The following AGMO variants were observed in gnomAD, a reference collection of about 807,000 sequenced individuals.
AGMO encodes the protein alkylglycerol monooxygenase.
AGMO carries 75 observed loss-of-function variants against 60.2 expected under a neutral mutation model. That is an observed-to-expected ratio of 1.25 (90% CI 1.03 to 1.51). The LOEUF is 1.51. Ranked by LOEUF, AGMO falls within the 40% of genes most tolerant of loss-of-function variation. The pLI is 0.00. For missense variants in AGMO, 763 were observed against 525.5 expected (o/e 1.45, Z -4.42); for synonymous variants, 261 against 177.1 (o/e 1.47, Z -3.76).
At chr7:15,282,010 T>A (rs1235533732) in intron 12 of AGMO, among the ~76,000 whole-genome samples, 3 of 152,064 alleles carry the variant, frequency 2.0e-5, no homozygotes, top group Non-Finnish European at 4.4e-5. Context: ...CAGAATTAGC[T>A]TTCAATCTGC....
At chr7:15,333,589 G>A (rs76462854) in intron 12 of AGMO, among the ~76,000 whole-genome samples, 176 of 134,128 alleles carry the variant, frequency 1.3e-3, no homozygotes, top group Middle Eastern at 4.7e-3. Flanking sequence ...CTATAGAGAC[G>A]AACTACTGAA....
intron 3 of AGMO, among the ~76,000 whole-genome samples, chr7:15,476,017 T>C (rs555787783): frequency 6.6e-6 from 1 of 152,074 alleles, no homozygotes; most frequent in African/African-American, 2.4e-5. Context: ...GTAAGTGAGA[T>C]AGATGCTGGG....
At chr7:15,431,753 T>C (rs1781246050) in intron 3 of AGMO, among the ~76,000 whole-genome samples, 1 of 151,862 alleles carries the variant, frequency 6.6e-6, no homozygotes, top group Admixed American at 6.6e-5. Context: ...TTTTTCCACA[T>C]AGTTTTATCT....
intron 5 of AGMO, among the ~76,000 whole-genome samples, chr7:15,395,452 T>G (rs1784333408): frequency 6.6e-6 from 1 of 151,374 alleles, no homozygotes; most frequent in Non-Finnish European, 1.5e-5. Context: ...AACAAAAATT[T>G]ATAATAAACA....
chr7:15,444,231 G>A (rs905721074), intron 3 of AGMO, among the ~76,000 whole-genome samples: 3 of 151,988 alleles, frequency 2.0e-5, no homozygotes, highest in African/African-American at 7.2e-5. Context: ...TATTTTATTT[G>A]CTAAATACAT....
At chr7:15,283,211 C>A (rs1784015267) in intron 12 of AGMO, among the ~76,000 whole-genome samples, 1 of 151,848 alleles carries the variant, frequency 6.6e-6, no homozygotes, top group Admixed American at 6.6e-5. Flanking sequence ...TAACATTTTG[C>A]CTGAAATAAT....
chr7:15,191,296 A>G, the AGMO span, among the ~76,000 whole-genome samples: 1 of 152,312 alleles, frequency 6.6e-6, no homozygotes, highest in Admixed American at 6.5e-5. Flanking sequence ...TAAATGTGGG[A>G]AAATATATGA....
chr7:15,127,908 T>A, the AGMO span, among the ~76,000 whole-genome samples: 1 of 152,230 alleles, frequency 6.6e-6, no homozygotes, highest in Admixed American at 6.5e-5. Context: ...TCTTCAGGAA[T>A]TTACGGTGTT....
intron 12 of AGMO, among the ~76,000 whole-genome samples, chr7:15,307,383 TTAATC>T (rs1222567698): frequency 7.2e-5 from 11 of 152,026 alleles, no homozygotes; most frequent in African/African-American, 2.7e-4. Flanking sequence ...TTCAAAATAT[TTAATC>T]TAAAAGTGAC....
At chr7:15,419,438 T>G (rs1220172038) in intron 4 of AGMO, among the ~76,000 whole-genome samples, 1 of 151,986 alleles carries the variant, frequency 6.6e-6, no homozygotes, top group Non-Finnish European at 1.5e-5. Flanking sequence ...ATAAAATGAA[T>G]CTGACTTTCA....
the AGMO span, among the ~76,000 whole-genome samples, chr7:15,178,818 A>G: frequency 6.6e-6 from 1 of 152,002 alleles, no homozygotes; most frequent in Non-Finnish European, 1.5e-5. Context: ...TTACTTTTTA[A>G]GTTTATTTGG....
the AGMO span, among the ~76,000 whole-genome samples, chr7:15,139,720 T>A: frequency 6.6e-6 from 1 of 151,638 alleles, no homozygotes; most frequent in South Asian, 2.1e-4. Context: ...ATATGCATGA[T>A]TAATCTTATG....
intron 3 of AGMO, among the ~76,000 whole-genome samples, chr7:15,531,021 TATATTCC>T (rs1207468025): frequency 0.29 from 19,359 of 67,156 alleles, 7,476 homozygotes; most frequent in East Asian, 0.49. Flanking sequence ...ATATATTCTA[TATATTCC>T]ATATATATTC....
intron 3 of AGMO, among the ~76,000 whole-genome samples, chr7:15,474,786 G>T (rs1176451190): frequency 6.6e-6 from 1 of 152,058 alleles, no homozygotes; most frequent in East Asian, 1.9e-4. Context: ...GAAAATTTTT[G>T]CAATCTGTCC....
the AGMO span, among the ~76,000 whole-genome samples, chr7:15,175,164 T>C: frequency 6.6e-6 from 1 of 151,998 alleles, no homozygotes; most frequent in Non-Finnish European, 1.5e-5. Context: ...TCATAATTTT[T>C]AATTTAAATT....
intron 3 of AGMO, among the ~76,000 whole-genome samples, chr7:15,492,358 GAA>G (rs67387904): frequency 0.034 from 3,974 of 116,678 alleles, 140 homozygotes; most frequent in African/African-American, 0.1. Flanking sequence ...GGCCCAATAC[GAA>G]AAAAAAAAAA....
chr7:15,188,912 G>A, the AGMO span, among the ~76,000 whole-genome samples: 109 of 152,258 alleles, frequency 7.2e-4, no homozygotes, highest in African/African-American at 2.5e-3. Context: ...AGCAAAACCA[G>A]TTGTGTCCAA....
intron 12 of AGMO, among the ~76,000 whole-genome samples, chr7:15,349,203 C>A (rs994269046): frequency 1.3e-5 from 2 of 152,096 alleles, no homozygotes; most frequent in Non-Finnish European, 2.9e-5. Context: ...CCTTCTTTAA[C>A]ACCTGTTGTC....
At chr7:15,344,354 C>T (rs1267098556) in intron 12 of AGMO, among the ~76,000 whole-genome samples, 1 of 152,104 alleles carries the variant, frequency 6.6e-6, no homozygotes, top group Non-Finnish European at 1.5e-5. Flanking sequence ...TAATTGTTTT[C>T]AATGTAGATC....
Sources: gnomAD v4.1 joint callset for allele counts (sites outside exome capture counted in the v4.1 genomes callset) on GRCh38, gnomAD v4.1.1 for gene constraint, MANE v1.5 for transcripts, NCBI Gene and HGNC (gene_info 2026-07-23, HGNC 2026-07-21) for gene names.